LRIT3: variants seen among roughly 807,000 people sequenced by gnomAD.
LRIT3 encodes the protein leucine-rich repeat, immunoglobulin-like domain and transmembrane domain-containing protein 3.
A neutral mutation model predicts 22.6 loss-of-function variants in LRIT3; 14 were observed. The ratio of observed to expected loss-of-function variants is 0.62; its 90% CI spans 0.41 to 0.97. The LOEUF is 0.97. LRIT3 is among the 50% of genes least tolerant of loss of function. The pLI is 0.00. For missense variants in LRIT3, 783 were observed against 803.0 expected (o/e 0.98, Z 0.30); for synonymous variants, 306 against 304.5 (o/e 1.01, Z -0.05).
intron 1 of LRIT3, among the ~76,000 whole-genome samples, chr4:109,849,309 G>A (rs542192263): frequency 4.6e-5 from 7 of 152,204 alleles, no homozygotes; most frequent in Admixed American, 3.9e-4. Flanking sequence ...GTCCAGGGAC[G>A]TGTAGCAGTG....
Position 109,858,473 on chromosome 4 carries a change from C to T in LRIT3, c.589+6497C>T, listed in dbSNP as rs961969311. Among the ~76,000 whole-genome samples the T allele has an allele frequency of 5.3e-5, 8 of 152,216 alleles. No homozygotes were observed. In the South Asian group the frequency reaches 1.7e-3, roughly 32 times the overall value. On this transcript the variant is annotated intron_variant, in intron 2 of 3. Transcript: ENST00000594814. ...CGTTGTTGCATGCATCTTCAGGACA[C>T]AATTTCAGGTGTCTAGCAGTAATCT...
At position 109,851,812 on chromosome 4, in the gene LRIT3, C is replaced by A. The variant is rs1295083290; in HGVS notation, c.425C>A (p.Thr142Asn). The A allele has an allele frequency of 6.4e-7, 1 of 1,551,764 alleles. No homozygotes were observed. Among genetic ancestry groups the A allele is most frequent in the Non-Finnish European group, 8.7e-7 (1 of 1,147,026 alleles). ...RTLDLHNNKI[T>N]SVPNEALRYL... ...CTGGACTTGCACAATAACAAAATAA[C>A]CAGTGTGCCAAATGAGGCGCTCAGG... Residue 142 changes from threonine (T) to asparagine (N), a missense_variant, in exon 2 of 4, where the codon ACC (threonine) becomes AAC (asparagine). Thr to Asn is a moderately conservative substitution (Grantham distance 65). This residue lies in a region of LRIT3 where 756 missense variants were observed against 753.8 expected (regional missense o/e 1.00). Coordinates refer to ENST00000594814, the MANE Select transcript of LRIT3 (RefSeq NM_198506.5).
At position 109,851,920 on chromosome 4, in the gene LRIT3, ATTTAG is replaced by A. The variant is rs1342482464; in HGVS notation, c.537_541del (p.Leu179PhefsTer26). 6.4e-7 allele frequency: 1 copy of A among 1,551,574 alleles called. No individual in the cohort carries two copies. The highest frequency in any genetic ancestry group is 2.4e-5 in the East Asian group (1 of 40,916). On this transcript the variant is annotated frameshift_variant, in exon 2 of 4. Coordinates refer to ENST00000594814, the MANE Select transcript of LRIT3 (RefSeq NM_198506.5). LOFTEE classifies it high-confidence loss of function. ...CCAGATTTCCTGGAGAGCTGGACTC[ATTTAG>A]TTTCAACACCTTCTGGAGTCCTGGA...
At chr4:109,850,423 CTTTCTTTCT>C (rs1347390702) in intron 1 of LRIT3, among the ~76,000 whole-genome samples, 201 of 6,094 alleles carry the variant, frequency 0.033, 21 homozygotes, top group Non-Finnish European at 0.065. Flanking sequence ...TCCTTCCTTC[CTTTCTTTCT>C]TTCTTTCTTT....
intron 2 of LRIT3, among the ~76,000 whole-genome samples, chr4:109,859,220 A>G (rs972639021): frequency 1.3e-5 from 2 of 152,178 alleles, no homozygotes; most frequent in African/African-American, 2.4e-5. Flanking sequence ...GGTGCCACCA[A>G]TGCACTAGAT....
At chr4:109,860,565 A>G (rs1183460428) in intron 2 of LRIT3, among the ~76,000 whole-genome samples, 1 of 152,226 alleles carries the variant, frequency 6.6e-6, no homozygotes, top group Non-Finnish European at 1.5e-5. Flanking sequence ...TGGAGACATT[A>G]AGGTATACTT....
Position 109,857,051 on chromosome 4 carries a change from C to T in LRIT3, c.589+5075C>T, listed in dbSNP as rs1734422346. 2.0e-5 allele frequency among the ~76,000 whole-genome samples: 3 copies of T among 152,210 alleles called. No homozygotes were observed. The South Asian group carries it at 6.2e-4, about 32-fold the overall frequency. The stretch of plus-strand genomic sequence containing the variant: ...ACAGGGAGCCAACTACCTTCTCTGG[C>T]TCTGACTATTAAAATACTATGATAT... On this transcript the variant is annotated intron_variant, in intron 2 of 3. Coordinates refer to ENST00000594814, the MANE Select transcript of LRIT3 (RefSeq NM_198506.5).
In LRIT3 at chr4:109,851,871, A is replaced by G. The variant is rs770705488; in HGVS notation, c.484A>G (p.Ser162Gly). 1.3e-6 allele frequency: 2 copies of G among 1,551,602 alleles called. No individual in the cohort carries two copies. The highest frequency in any genetic ancestry group is 1.7e-6 in the Non-Finnish European group (2 of 1,147,006). Reference protein sequence around the residue: ...LKNLAYLDLSSNRLTTLPPDF... With the variant: ...LKNLAYLDLSGNRLTTLPPDF... ...GAACCTTGCCTACTTGGATTTATCA[A>G]GCAACAGACTCACCACATTGCCACC... is the stretch of plus-strand genomic sequence containing the variant. The change falls in exon 2 of 4, where the codon AGC (serine) becomes GGC (glycine). Residue 162 changes from serine to glycine, a missense_variant. Ser to Gly is a moderately conservative substitution (Grantham distance 56). Transcript: ENST00000594814.
chr4:109,866,105 C>T (rs987705740), intron 2 of LRIT3, among the ~76,000 whole-genome samples: 2 of 151,932 alleles, frequency 1.3e-5, no homozygotes, highest in Admixed American at 6.6e-5. Flanking sequence ...CAGAAAAATA[C>T]GAGCCAGTCA....
rs1226904741 is a variant in LRIT3 at position 109,851,820 on chromosome 4, C to A, written c.433C>A (p.Pro145Thr). 6.4e-7 allele frequency: 1 copy of A among 1,551,784 alleles called. No individual in the cohort carries two copies. Among genetic ancestry groups the A allele is most frequent in the South Asian group, 1.2e-5 (1 of 84,054 alleles). The change falls in exon 2 of 4, where the codon CCA becomes ACA. Residue 145 changes from proline (P) to threonine (T), a missense_variant. By Grantham distance (38) the Pro-to-Thr change is conservative. Transcript: ENST00000594814. The part of the protein sequence containing the change: ...DLHNNKITSV[P>T]NEALRYLKNL... ...GCACAATAACAAAATAACCAGTGTG[C>A]CAAATGAGGCGCTCAGGTATCTGAA...
At chr4:109,850,448 T>TTTC (rs1579370800) in intron 1 of LRIT3, among the ~76,000 whole-genome samples, 1 of 120,762 alleles carries the variant, frequency 8.3e-6, no homozygotes, top group East Asian at 2.4e-4. Context: ...TCTTTCTTTC[T>TTTC]TTCTTTCTTT....
At position 109,870,861 on chromosome 4, in the gene LRIT3, G is replaced by T; in HGVS notation, c.*72G>T. On this transcript the variant is annotated 3_prime_UTR_variant, in exon 4 of 4. Coordinates refer to ENST00000594814, the MANE Select transcript of LRIT3 (RefSeq NM_198506.5). ...GGTATAATTGACCCTAGGTTTGGAT[G>T]ACTTTTGGACAGACTTTCACATTGT... 3 of 1,444,188 alleles carry T rather than the reference G, an allele frequency of 2.1e-6. No homozygotes were observed. The highest frequency in any genetic ancestry group is 2.3e-5 in the East Asian group (1 of 43,292). 89.5% of individuals were successfully genotyped at this position (1,444,188 alleles called of 1,614,324 possible).
At chr4:109,850,701 A>T (rs147487470) in intron 1 of LRIT3, among the ~76,000 whole-genome samples, 6,305 of 151,536 alleles carry the variant, frequency 0.042, 311 homozygotes, top group East Asian at 0.12. Context: ...GGTCTCAAAC[A>T]TCTGACCTCA....
rs1734659412 is a variant in LRIT3, at chr4:109,865,689, G to A, written c.590-1952G>A. Among the ~76,000 whole-genome samples the A allele has an allele frequency of 1.3e-5, 2 of 152,132 alleles. 1 individual carries two copies. Among genetic ancestry groups the A allele is most frequent in the Non-Finnish European group, 2.9e-5 (2 of 68,028 alleles). On this transcript the variant is annotated intron_variant, in intron 2 of 3. Transcript: ENST00000594814. ...AGCAAGAAAGGTTAAAGGTCACTATGAATAAACCATTGTTCAAAGTAATTT... is the reference window on the plus strand; with the variant it reads ...AGCAAGAAAGGTTAAAGGTCACTATAAATAAACCATTGTTCAAAGTAATTT...
rs932590774 is a variant in LRIT3, at chr4:109,871,221, C to G, written c.*432C>G. On this transcript the variant is annotated 3_prime_UTR_variant, in exon 4 of 4. Coordinates refer to ENST00000594814, the MANE Select transcript of LRIT3 (RefSeq NM_198506.5). Reference sequence around the variant, plus strand: ...TGCTGTGGATGTTTTCTGACATTGCCTAATGGAGAGCGTGGGATCATAAAG... The same window carrying G: ...TGCTGTGGATGTTTTCTGACATTGCGTAATGGAGAGCGTGGGATCATAAAG... The G allele has an allele frequency of 6.5e-6, 1 of 154,266 alleles. No homozygotes were observed. The allele number at this position is 154,266 out of a possible 1,614,324, so 9.6% of individuals were successfully genotyped here. A position where few individuals can be genotyped will look rare whatever the true frequency, so the allele number is the denominator to read the frequency against.
chr4:109,856,870 A>C (rs1418425928), intron 2 of LRIT3, among the ~76,000 whole-genome samples: 1 of 152,064 alleles, frequency 6.6e-6, no homozygotes, highest in East Asian at 1.9e-4. Context: ...ATGTAATGCA[A>C]CTCCAGCAGT....
intron 2 of LRIT3, 124 bp from the exon 3 acceptor site, chr4:109,867,517 C>T: frequency 1.2e-6 from 1 of 847,856 alleles, no homozygotes; most frequent in Non-Finnish European, 1.8e-6. Flanking sequence ...GGTGACTCTG[C>T]TTCATCCCTC....
intron 2 of LRIT3, among the ~76,000 whole-genome samples, chr4:109,857,976 T>G (rs1033003655): frequency 3.9e-5 from 6 of 152,166 alleles, no homozygotes; most frequent in African/African-American, 1.4e-4. Context: ...AGTGACCAGA[T>G]GGTAGTGTGA....
intron 2 of LRIT3, among the ~76,000 whole-genome samples, chr4:109,859,272 G>A (rs1734478535): frequency 6.6e-6 from 1 of 152,176 alleles, no homozygotes; most frequent in Admixed American, 6.5e-5. Flanking sequence ...GTGGGGGTAG[G>A]TTAGTGAGGG....
Sources: allele counts gnomAD v4.1 joint callset (sites outside exome capture counted in the v4.1 genomes callset), GRCh38; gene constraint gnomAD v4.1.1; regional missense constraint gnomAD v4.1.1; transcripts MANE v1.5; gene names NCBI Gene and HGNC (gene_info 2026-07-23, HGNC 2026-07-21).